The following PTPRD variants were observed in gnomAD, a reference collection of about 807,000 sequenced individuals.
PTPRD encodes the protein protein tyrosine phosphatase receptor type D.
A neutral mutation model predicts 214.5 loss-of-function variants in PTPRD; 34 were observed. That is an observed-to-expected ratio of 0.16 (90% CI 0.12 to 0.21). The LOEUF is 0.21. PTPRD is among the 10% of genes least tolerant of loss of function. PTPRD has a pLI of 1.00. For synonymous variants in PTPRD, 1,128 were observed against 845.7 expected (o/e 1.33, Z -5.79); for missense variants, 2,545 against 2,398.7 (o/e 1.06, Z -1.27).
chr9:9,744,149 T>C (rs1194919437), intron 6 of PTPRD, among the ~76,000 whole-genome samples: 1 of 152,120 alleles, frequency 6.6e-6, no homozygotes, highest in African/African-American at 2.4e-5. Context: ...CTTGAGGAGA[T>C]TTAATTCAAC....
chr9:9,453,415 T>A (rs955825374), intron 8 of PTPRD, among the ~76,000 whole-genome samples: 3 of 151,660 alleles, frequency 2.0e-5, no homozygotes, highest in Admixed American at 6.6e-5. Flanking sequence ...TATAAAATAT[T>A]TTTTACCACA....
intron 30 of PTPRD, among the ~76,000 whole-genome samples, chr9:8,478,406 G>A (rs944191840): frequency 1.3e-5 from 2 of 152,072 alleles, no homozygotes; most frequent in Non-Finnish European, 2.9e-5. Context: ...CAAAGAAATT[G>A]AAAATTTCAT....
chr9:9,948,618 T>C (rs1729749605), intron 4 of PTPRD, among the ~76,000 whole-genome samples: 1 of 152,112 alleles, frequency 6.6e-6, no homozygotes, highest in Admixed American at 6.6e-5. Context: ...CAAAACCTTT[T>C]TTCCCCAAAG....
intron 3 of PTPRD, among the ~76,000 whole-genome samples, chr9:10,227,149 G>C: frequency 6.6e-6 from 1 of 152,076 alleles, no homozygotes; most frequent in East Asian, 1.9e-4. Context: ...GCTTGTCAAA[G>C]CTGCAGGTAT....
intron 4 of PTPRD, among the ~76,000 whole-genome samples, chr9:9,951,447 A>G (rs1277944504): frequency 6.6e-6 from 1 of 152,196 alleles, no homozygotes; most frequent in Non-Finnish European, 1.5e-5. Context: ...AAATGAAACA[A>G]AATTCATGAG....
At chr9:8,730,471 G>C (rs1042499929) in intron 12 of PTPRD, among the ~76,000 whole-genome samples, 2 of 152,068 alleles carry the variant, frequency 1.3e-5, no homozygotes, top group East Asian at 1.9e-4. Flanking sequence ...TCTGAGATCA[G>C]GTAAACATTC....
At chr9:8,551,819 A>C (rs757008160) in intron 14 of PTPRD, among the ~76,000 whole-genome samples, 1 of 152,256 alleles carries the variant, frequency 6.6e-6, no homozygotes, top group Non-Finnish European at 1.5e-5. Flanking sequence ...ACCTGCACAG[A>C]CTTTATCAAC....
chr9:8,908,580 G>A (rs1321491692), intron 11 of PTPRD, among the ~76,000 whole-genome samples: 1 of 151,902 alleles, frequency 6.6e-6, no homozygotes, highest in Non-Finnish European at 1.5e-5. Context: ...AAACACTTAG[G>A]AGGCAGCTAA....
At chr9:9,775,817 A>T (rs2821502) in intron 5 of PTPRD, among the ~76,000 whole-genome samples, 1 of 151,454 alleles carries the variant, frequency 6.6e-6, no homozygotes, top group African/African-American at 2.4e-5. Context: ...ATAGCCGGGC[A>T]TGGTGGCGGA....
At chr9:9,021,468 C>A (rs2099569327) in intron 10 of PTPRD, among the ~76,000 whole-genome samples, 1 of 152,060 alleles carries the variant, frequency 6.6e-6, no homozygotes, top group African/African-American at 2.4e-5. Flanking sequence ...ACTTGATAAT[C>A]AATGACTATG....
chr9:9,165,360 C>T (rs1003779866), intron 10 of PTPRD, among the ~76,000 whole-genome samples: 6 of 152,082 alleles, frequency 3.9e-5, no homozygotes, highest in Admixed American at 3.9e-4. Flanking sequence ...TAAGGCATTG[C>T]CTTCAAAGAG....
At position 10,452,450 on chromosome 9, in the gene PTPRD, A is replaced by T. The variant is rs546919283; in HGVS notation, c.-599-111433T>A. Among the ~76,000 whole-genome samples, 8 of 151,842 alleles carry T rather than the reference A, an allele frequency of 5.3e-5. No homozygotes were observed. In the South Asian group the frequency reaches 1.7e-3, roughly 32 times the overall value. On this transcript the variant is annotated intron_variant, in intron 2 of 45. Coordinates refer to ENST00000381196, the MANE Select transcript of PTPRD (RefSeq NM_002839.4). The stretch of plus-strand genomic sequence containing the variant: ...ATTTACATTCCCACCAACAGTAGAC[A>T]GAGTTCCCATTTCTCCACACTCTCA...
chr9:10,160,817 A>C (rs2099123059), intron 3 of PTPRD, among the ~76,000 whole-genome samples: 1 of 151,964 alleles, frequency 6.6e-6, no homozygotes, highest in African/African-American at 2.4e-5. Context: ...TCTTATACCT[A>C]GAAAAACCTG....
intron 7 of PTPRD, among the ~76,000 whole-genome samples, chr9:9,656,711 G>A (rs1225674308): frequency 6.6e-6 from 1 of 152,118 alleles, no homozygotes; most frequent in African/African-American, 2.4e-5. Flanking sequence ...ATTAAAATTT[G>A]CTCAAACCTA....
chr9:10,510,982 T>G (rs998420920), intron 2 of PTPRD, among the ~76,000 whole-genome samples: 1 of 152,186 alleles, frequency 6.6e-6, no homozygotes, highest in African/African-American at 2.4e-5. Flanking sequence ...GTTTACTTAA[T>G]GTAACATAAT....
At chr9:10,558,094 G>A (rs1056722118) in intron 2 of PTPRD, among the ~76,000 whole-genome samples, 1 of 152,068 alleles carries the variant, frequency 6.6e-6, no homozygotes, top group African/African-American at 2.4e-5. Context: ...CTACTGAAAT[G>A]CACAAATTCC....
chr9:9,395,183 G>GAA (rs1185120565), intron 9 of PTPRD, among the ~76,000 whole-genome samples: 5 of 124,430 alleles, frequency 4.0e-5, no homozygotes, highest in South Asian at 2.5e-4. Context: ...CCAGGAACAT[G>GAA]AAACAAAAAA....
intron 11 of PTPRD, among the ~76,000 whole-genome samples, chr9:8,836,959 T>A (rs1398964447): frequency 6.6e-6 from 1 of 150,722 alleles, no homozygotes; most frequent in African/African-American, 2.4e-5. Flanking sequence ...CTACCATTAA[T>A]AACCCACCCA....
intron 10 of PTPRD, among the ~76,000 whole-genome samples, chr9:9,019,320 GAA>G (rs769010695): frequency 5.8e-5 from 5 of 86,200 alleles, no homozygotes; most frequent in African/African-American, 2.5e-4. Context: ...AAGAAAGAAA[GAA>G]AGAAAGAAAG....
Sources: allele counts gnomAD v4.1 joint callset (sites outside exome capture counted in the v4.1 genomes callset), GRCh38; gene constraint gnomAD v4.1.1; transcripts MANE v1.5; gene names NCBI Gene and HGNC (gene_info 2026-07-23, HGNC 2026-07-21).